Variants in ERCC6 observed in about 807,000 individuals in gnomAD.
The protein encoded by ERCC6 is ERCC excision repair 6, chromatin remodeling factor, also known as DNA excision repair protein ERCC-6.
A neutral mutation model predicts 158.7 loss-of-function variants in ERCC6; 116 were observed. That is an observed-to-expected ratio of 0.73 (90% CI 0.63 to 0.85). The LOEUF (loss-of-function observed/expected upper bound fraction) is 0.85. Ranked by LOEUF, ERCC6 falls within the 40% of genes least tolerant of loss-of-function variation. The probability of loss-of-function intolerance (pLI) is 0.00; values close to 1 mark genes in which losing one functional copy is unlikely to be tolerated. For synonymous variants in ERCC6, 678 were observed against 659.3 expected (o/e 1.03, Z -0.43); for missense variants, 1,698 against 1,799.4 (o/e 0.94, Z 1.02).
Position 49,458,982 on chromosome 10 carries a change from C to G in ERCC6, c.4315G>C (p.Ala1439Pro), listed in dbSNP as rs530673596. The change falls in exon 21 of 21, where the codon GCC becomes CCC. Residue 1439 changes from alanine (A) to proline (P), a missense_variant. Transcript: ENST00000355832. ...GTGCTGGCCTGGCCATCAGTGTGGGCCTGGAAAGCGATGAAGTTTCTCATC... is the reference window on the plus strand; with the variant it reads ...GTGCTGGCCTGGCCATCAGTGTGGGGCTGGAAAGCGATGAAGTTTCTCATC... ...VEMRNFIAFQ[A>P]HTDGQASTRE... 213 of 1,614,174 alleles carry G rather than the reference C, an allele frequency of 1.3e-4. 1 individual carries two copies. In the East Asian group the frequency reaches 4.3e-3, roughly 32 times the overall value.
intron 14 of ERCC6, 65 bp downstream of exon 14, chr10:49,473,412 C>G (rs1042662818): frequency 2.8e-6 from 3 of 1,065,458 alleles, no homozygotes; most frequent in African/African-American, 1.6e-5. Flanking sequence ...GGTGTGGATA[C>G]GCTTAGTCCT....
At chr10:49,477,790 G>A (rs567953619) in intron 11 of ERCC6, among the ~76,000 whole-genome samples, 2 of 152,264 alleles carry the variant, frequency 1.3e-5, no homozygotes, top group African/African-American at 2.4e-5. Context: ...TACAAGACTT[G>A]CTCCTTCGCC....
At chr10:49,511,644 T>C (rs1341343257) in intron 5 of ERCC6, among the ~76,000 whole-genome samples, 1 of 152,162 alleles carries the variant, frequency 6.6e-6, no homozygotes, top group African/African-American at 2.4e-5. Context: ...CAAGCTGGTC[T>C]CAGACTACTG....
chr10:49,451,538 G>A (rs956208935), downstream of ERCC6, among the ~76,000 whole-genome samples: 1 of 152,090 alleles, frequency 6.6e-6, no homozygotes, highest in African/African-American at 2.4e-5. Flanking sequence ...CAGTAGAGAT[G>A]ACTTTTTTAT....
At chr10:49,510,592 T>C (rs1590446732) in intron 5 of ERCC6, among the ~76,000 whole-genome samples, 1 of 152,272 alleles carries the variant, frequency 6.6e-6, no homozygotes, top group African/African-American at 2.4e-5. Flanking sequence ...GTGTAGCATA[T>C]TGTGAAATCC....
the ERCC6 span, among the ~76,000 whole-genome samples, chr10:49,446,419 C>A: frequency 1.3e-5 from 2 of 151,972 alleles, no homozygotes; most frequent in Non-Finnish European, 2.9e-5. Flanking sequence ...CATTGTAAGA[C>A]AAAATTGGGA....
intron 5 of ERCC6, chr10:49,515,186 A>C: frequency 7.6e-7 from 1 of 1,309,104 alleles, no homozygotes; most frequent in South Asian, 2.5e-5. Flanking sequence ...AGAAAAATTC[A>C]AGGAACAAAA....
At chr10:49,487,361 C>T (rs1026064345) in intron 8 of ERCC6, among the ~76,000 whole-genome samples, 2 of 152,116 alleles carry the variant, frequency 1.3e-5, no homozygotes, top group Non-Finnish European at 1.5e-5. Context: ...TCACAAAATT[C>T]GACACCTGCA....
chr10:49,483,505 A>C lies in ERCC6; in HGVS notation c.1833T>G (p.Ile611Met), dbSNP rs1564424004. Residue 611 changes from isoleucine to methionine, a missense_variant, in exon 9 of 21, where the codon ATT becomes ATG. Coordinates refer to ENST00000355832, the MANE Select transcript of ERCC6 (RefSeq NM_000124.4). ...TTCCATGACAATGAGCAACATCTCGAATTAGTTTCTCCTGAGACCACAATA... is the reference window on the plus strand; with the variant it reads ...TTCCATGACAATGAGCAACATCTCGCATTAGTTTCTCCTGAGACCACAATA... ...GSYTHKKEKL[I>M]RDVAHCHGIL... 6.2e-7 allele frequency: 1 copy of C among 1,614,096 alleles called. No homozygotes were observed. Among genetic ancestry groups the C allele is most frequent in the African/African-American group, 1.3e-5 (1 of 75,070 alleles).
At chr10:49,479,811 T>C (rs932535948) in intron 10 of ERCC6, among the ~76,000 whole-genome samples, 1 of 152,202 alleles carries the variant, frequency 6.6e-6, no homozygotes, top group African/African-American at 2.4e-5. Flanking sequence ...TGCCACCCCA[T>C]GGAGATGATC....
rs1273520211 is a variant in ERCC6 at position 49,524,926 on chromosome 10, A to C, written c.653-149T>G. ...CATGTACTAAAGCATGTTACATATG[A>C]AGGACAGAATAAAATTATAGCATCA... is the stretch of plus-strand genomic sequence containing the variant. On this transcript the variant is annotated intron_variant, in intron 4 of 20. Transcript: ENST00000355832. The C allele has an allele frequency of 2.0e-6, 3 of 1,500,620 alleles. No individual in the cohort carries two copies. In the African/African-American group the frequency reaches 4.2e-5, roughly 21 times the overall value. The allele number at this position is 1,500,620 out of a possible 1,614,324, so 93.0% of individuals were successfully genotyped here. A position where few individuals can be genotyped will look rare whatever the true frequency, so the allele number is the denominator to read the frequency against.
At chr10:49,512,920 T>A (rs992932903) in intron 5 of ERCC6, among the ~76,000 whole-genome samples, 2 of 152,252 alleles carry the variant, frequency 1.3e-5, no homozygotes, top group Admixed American at 1.3e-4. Flanking sequence ...ATGGTCAACC[T>A]GTAATATCAA....
At chr10:49,481,809 A>C (rs1237318395) in intron 10 of ERCC6, among the ~76,000 whole-genome samples, 1 of 152,102 alleles carries the variant, frequency 6.6e-6, no homozygotes, top group African/African-American at 2.4e-5. Flanking sequence ...TTCTGCCTAA[A>C]AATGCCACCT....
At chr10:49,527,186 C>T (rs1034912393) in intron 4 of ERCC6, among the ~76,000 whole-genome samples, 3 of 152,098 alleles carry the variant, frequency 2.0e-5, no homozygotes, top group African/African-American at 7.2e-5. Context: ...ACCCTACTAC[C>T]AAAGTTTTAG....
intron 1 of ERCC6, among the ~76,000 whole-genome samples, chr10:49,533,821 T>A (rs79789545): frequency 5.9e-4 from 89 of 152,126 alleles, no homozygotes; most frequent in Non-Finnish European, 9.0e-4. Context: ...AAAGTTTTTT[T>A]AAAAGATTAA....
Position 49,470,327 on chromosome 10 carries a change from A to C in ERCC6, c.3633T>G (p.His1211Gln). 6.2e-7 allele frequency: 1 copy of C among 1,614,166 alleles called. No homozygotes were observed. Among genetic ancestry groups the C allele is most frequent in the Non-Finnish European group, 8.5e-7 (1 of 1,180,008 alleles). ...TTCCTTCAAACTTGGCGTCTCTGCA[A>C]TGCTTAGAGTTCTTAGGCTTTTGCT... The part of the protein sequence containing the change: ...RPKQKPKNSK[H>Q]CRDAKFEGTR... The change falls in exon 18 of 21, where the codon CAT becomes CAG. Residue 1211 changes from histidine to glutamine, a missense_variant. Physicochemically the swap from His to Gln is conservative, Grantham distance 24. Transcript: ENST00000355832.
chr10:49,506,744 C>T (rs1157963315), intron 5 of ERCC6, among the ~76,000 whole-genome samples: 3 of 151,864 alleles, frequency 2.0e-5, no homozygotes, highest in Non-Finnish European at 4.4e-5. Flanking sequence ...GGAGAAGGTG[C>T]ACCCATTTAA....
At chr10:49,493,385 A>T in intron 7 of ERCC6, 133 bp from the exon 8 acceptor site, 3 of 1,149,810 alleles carry the variant, frequency 2.6e-6, no homozygotes, top group Non-Finnish European at 3.7e-6. Flanking sequence ...AAATTTATTG[A>T]TATTTTCTTT....
rs1178185943 is a variant in ERCC6, at chr10:49,499,938, G to C, written c.1685+600C>G. Among the ~76,000 whole-genome samples the C allele has an allele frequency of 2.0e-5, 3 of 152,092 alleles. No homozygotes were observed. In the South Asian group the frequency reaches 6.2e-4, roughly 32 times the overall value. On this transcript the variant is annotated intron_variant, in intron 7 of 20. Transcript: ENST00000355832. Reference sequence around the variant, plus strand: ...ATTTATTACATAAAGTTCATAGATTGGGAAGGGCAGAAAACACAGGGATCA... The same window carrying C: ...ATTTATTACATAAAGTTCATAGATTCGGAAGGGCAGAAAACACAGGGATCA...
Sources: gnomAD v4.1 joint callset for allele counts (sites outside exome capture counted in the v4.1 genomes callset) on GRCh38, gnomAD v4.1.1 for gene constraint, MANE v1.5 for transcripts, NCBI Gene and HGNC (gene_info 2026-07-23, HGNC 2026-07-21) for gene names.